MYSM1: variants seen among roughly 807,000 people sequenced by gnomAD.
The protein encoded by MYSM1 is Myb like, SWIRM and MPN domains 1, also known as deubiquitinase MYSM1.
Under a neutral mutation model 116.0 loss-of-function variants are expected in MYSM1, and 51 were observed. The ratio of observed to expected loss-of-function variants is 0.44; its 90% CI spans 0.35 to 0.56. The LOEUF (loss-of-function observed/expected upper bound fraction) is 0.56, where lower values mean the gene tolerates loss of function less well. Ranked by LOEUF, MYSM1 falls within the 20% of genes least tolerant of loss-of-function variation. MYSM1 has a pLI of 0.00. For synonymous variants in MYSM1, 313 were observed against 315.2 expected, an observed-to-expected ratio of 0.99 and a Z score of 0.07; for missense variants, 900 against 974.9, an observed-to-expected ratio of 0.92 and a Z score of 1.02.
intron 1 of MYSM1, among the ~76,000 whole-genome samples, 158 bp from the exon 2 acceptor site, chr1:58,695,365 C>T (rs1644959652): frequency 6.6e-6 from 1 of 152,204 alleles, no homozygotes. Flanking sequence ...GAAATGCCTG[C>T]TCTACCTCTT....
chr1:58,699,782 T>C lies in MYSM1; in HGVS notation c.68+203A>G, dbSNP rs557225296. 281 of 985,222 alleles carry C rather than the reference T, an allele frequency of 2.9e-4. 1 individual carries two copies. The African/African-American group carries it at 4.6e-3, about 16-fold the overall frequency. 61.0% of individuals were successfully genotyped at this position (985,222 alleles called of 1,614,324 possible). A position where few individuals can be genotyped will look rare whatever the true frequency, so the allele number is the denominator to read the frequency against. ...GCAAAAGGTGAAAGCGACCCAGGAG[T>C]ACCTGAGCTCCAGGTAACCGCCCTG... On this transcript the variant is annotated intron_variant, in intron 1 of 19. Transcript: ENST00000472487.
chr1:58,691,445 T>C (rs1361620024), intron 3 of MYSM1, among the ~76,000 whole-genome samples: 1 of 152,212 alleles, frequency 6.6e-6, no homozygotes, highest in Admixed American at 6.5e-5. Context: ...TGTTTCCATA[T>C]CTAGAAGTGA....
chr1:58,675,190 G>C (rs1185406863), intron 10 of MYSM1, among the ~76,000 whole-genome samples: 1 of 151,990 alleles, frequency 6.6e-6, no homozygotes, highest in Non-Finnish European at 1.5e-5. Flanking sequence ...AGACACATTA[G>C]ATTTATAAAT....
chr1:58,680,277 T>A (rs4912368), intron 8 of MYSM1, among the ~76,000 whole-genome samples: 30,397 of 152,094 alleles, frequency 0.2, 3,170 homozygotes, highest in South Asian at 0.28. Context: ...AGTGACTGGT[T>A]GTATAATCCA....
rs879373570 is a variant in MYSM1 at position 58,665,415 on chromosome 1, TAA to T, written c.2164+82_2164+83del. 12 of 1,093,906 alleles carry T rather than the reference TAA, an allele frequency of 1.1e-5. No homozygotes were observed. The East Asian group carries it at 3.1e-4, about 28-fold the overall frequency. 67.8% of individuals were successfully genotyped at this position (1,093,906 alleles called of 1,614,324 possible). A position where few individuals can be genotyped will look rare whatever the true frequency, so the allele number is the denominator to read the frequency against. On this transcript the variant is annotated intron_variant, in intron 17 of 19. Transcript: ENST00000472487. ...CACAAACTCTTGCATTAAATAATTT[TAA>T]ACAGTTGCAAATCTTTTGATTTGTA...
chr1:58,672,004 A>T, intron 11 of MYSM1, 46 bp from the exon 12 acceptor site: 2 of 1,471,486 alleles, frequency 1.4e-6, no homozygotes, highest in Non-Finnish European at 1.9e-6. Flanking sequence ...ATCTACTAAG[A>T]GGCAGAATAA....
chr1:58,682,253 G>C lies in MYSM1; in HGVS notation c.791C>G (p.Thr264Ser). The C allele has an allele frequency of 6.2e-7, 1 of 1,612,306 alleles. No homozygotes were observed. The highest frequency in any genetic ancestry group is 1.1e-5 in the South Asian group (1 of 91,034). ...AAAGAGAGCTTCCTGGCTGTCAGAA[G>C]TAATGAATTCTCCTTGATTGGTTTC... is the stretch of plus-strand genomic sequence containing the variant. ...MHETNQGEFITSDSQEALFSK... is the reference protein window; with the variant it reads ...MHETNQGEFISSDSQEALFSK... The change falls in exon 8 of 20, where the codon ACT (threonine) becomes AGT (serine). Residue 264 changes from threonine to serine, a missense_variant. By Grantham distance (58) the Thr-to-Ser change is moderately conservative. Coordinates refer to ENST00000472487, the MANE Select transcript of MYSM1 (RefSeq NM_001085487.3).
At chr1:58,674,741 A>C (rs375384509) in intron 10 of MYSM1, among the ~76,000 whole-genome samples, 19 of 151,832 alleles carry the variant, frequency 1.3e-4, no homozygotes, top group Non-Finnish European at 1.8e-4. Flanking sequence ...CTGGCTAACA[A>C]GGTGAAACCC....
chr1:58,678,466 A>C (rs1211737045), intron 8 of MYSM1, among the ~76,000 whole-genome samples: 1 of 152,178 alleles, frequency 6.6e-6, no homozygotes, highest in Non-Finnish European at 1.5e-5. Flanking sequence ...TAAGGACTCT[A>C]AAAATATGTT....
Position 58,657,891 on chromosome 1 carries a change from G to C in MYSM1, c.*2106C>G, listed in dbSNP as rs904390775. 1.3e-5 allele frequency: 2 copies of C among 152,156 alleles called. No homozygotes were observed. The highest frequency in any genetic ancestry group is 4.8e-5 in the African/African-American group (2 of 41,436). The allele number at this position is 152,156 out of a possible 1,614,324, so 9.4% of individuals were successfully genotyped here. The stretch of plus-strand genomic sequence containing the variant: ...ACAGGGCAAGGAGACTCAGATTTGA[G>C]AGCAGAACTTTTAACAATTTCCATT... On this transcript the variant is annotated 3_prime_UTR_variant, in exon 20 of 20. Coordinates refer to ENST00000472487, the MANE Select transcript of MYSM1 (RefSeq NM_001085487.3).
chr1:58,662,478 T>C (rs1277907865), intron 17 of MYSM1, among the ~76,000 whole-genome samples: 2 of 146,190 alleles, frequency 1.4e-5, no homozygotes, highest in Non-Finnish European at 3.0e-5. Context: ...TTTTTTTCGA[T>C]GAGGACACTA....
chr1:58,682,652 G>T, intron 7 of MYSM1, 107 bp from the exon 8 acceptor site: 2 of 1,019,298 alleles, frequency 2.0e-6, no homozygotes, highest in Non-Finnish European at 2.7e-6. Flanking sequence ...CTGAATACAT[G>T]TAAATGGTAC....
intron 19 of MYSM1, 59 bp from the exon 20 acceptor site, chr1:58,660,214 C>G (rs377718641): frequency 2.6e-6 from 3 of 1,146,260 alleles, no homozygotes; most frequent in African/African-American, 3.2e-5. Context: ...GTTTGCATTA[C>G]TATCACTATT....
chr1:58,694,198 T>C (rs949859941), intron 2 of MYSM1, among the ~76,000 whole-genome samples: 1 of 152,238 alleles, frequency 6.6e-6, no homozygotes, highest in African/African-American at 2.4e-5. Context: ...ATTATTAGTT[T>C]GTCTACCTGT....
In MYSM1 at chr1:58,657,648, C is replaced by T. The variant is rs902137403; in HGVS notation, c.*2349G>A. On this transcript the variant is annotated 3_prime_UTR_variant, in exon 20 of 20. Coordinates refer to ENST00000472487, the MANE Select transcript of MYSM1 (RefSeq NM_001085487.3). ...AAAAAAATGGGGAAGGATTTATATACTAATTGTGTTTTTTTAAATAGTAGC... is the reference window on the plus strand; with the variant it reads ...AAAAAAATGGGGAAGGATTTATATATTAATTGTGTTTTTTTAAATAGTAGC... The T allele has an allele frequency of 6.6e-6, 1 of 152,032 alleles. No individual in the cohort carries two copies. The highest frequency in any genetic ancestry group is 1.5e-5 in the Non-Finnish European group (1 of 68,014). 9.4% of individuals were successfully genotyped at this position (152,032 alleles called of 1,614,324 possible). A position where few individuals can be genotyped will look rare whatever the true frequency, so the allele number is the denominator to read the frequency against.
intron 7 of MYSM1, among the ~76,000 whole-genome samples, chr1:58,684,293 C>T (rs6662022): frequency 0.26 from 39,618 of 151,946 alleles, 5,384 homozygotes; most frequent in Middle Eastern, 0.37. Flanking sequence ...AGGCCGGGCA[C>T]GGTGGCTCAC....
intron 17 of MYSM1, 34 bp downstream of exon 17, chr1:58,665,464 GA>G: frequency 1.3e-6 from 2 of 1,495,150 alleles, no homozygotes; most frequent in African/African-American, 1.4e-5. Context: ...AATAAGAGTA[GA>G]AAGAGGATAA....
In MYSM1 at chr1:58,667,771, A is replaced by G. The variant is rs577210767; in HGVS notation, c.1842+76T>C. The G allele has an allele frequency of 3.5e-4, 306 of 865,134 alleles. 1 individual carries two copies. Among genetic ancestry groups the G allele is most frequent in the Middle Eastern group, 3.0e-3 (10 of 3,286 alleles). The allele number at this position is 865,134 out of a possible 1,614,324, so 53.6% of individuals were successfully genotyped here. A position where few individuals can be genotyped will look rare whatever the true frequency, so the allele number is the denominator to read the frequency against. On this transcript the variant is annotated intron_variant, in intron 15 of 19. Coordinates refer to ENST00000472487, the MANE Select transcript of MYSM1 (RefSeq NM_001085487.3). ...TAAAGTCTGTATTTTAATTATATTA[A>G]CTGAATTCTATAAAAATATTTGGTA...
intron 8 of MYSM1, among the ~76,000 whole-genome samples, chr1:58,680,375 T>A (rs533954411): frequency 5.3e-5 from 8 of 152,312 alleles, no homozygotes; most frequent in South Asian, 2.1e-4. Context: ...AGGATTGTTT[T>A]AAAAAATCAA....
Sources: gnomAD v4.1 joint callset for allele counts (sites outside exome capture counted in the v4.1 genomes callset) on GRCh38, gnomAD v4.1.1 for gene constraint, MANE v1.5 for transcripts, NCBI Gene and HGNC (gene_info 2026-07-23, HGNC 2026-07-21) for gene names.